The following TSPAN10 variants were observed in gnomAD, a reference collection of about 807,000 sequenced individuals.
TSPAN10 encodes the protein tetraspanin 10.
In TSPAN10, 11 loss-of-function variants were observed where a neutral mutation model predicts 15.0. That is an observed-to-expected ratio of 0.73 (90% confidence interval 0.46 to 1.21). The LOEUF is 1.21. Ranked by LOEUF, TSPAN10 falls within the 50% of genes most tolerant of loss-of-function variation. TSPAN10 has a pLI of 0.00. For missense variants in TSPAN10, 486 were observed against 470.6 expected, an observed-to-expected ratio of 1.03 and a Z score of -0.30; for synonymous variants, 241 against 226.2, an observed-to-expected ratio of 1.07 and a Z score of -0.59.
chr17:81,647,957 G>C (rs1487646353), exon 3 of TSPAN10: 1 of 1,610,364 alleles, frequency 6.2e-7, no homozygotes. Context: ...GCCTCCTGCT[G>C]CATCGACCCC....
rs566995429 is a variant in TSPAN10 at position 81,645,650 on chromosome 17, G to A, written c.674+21G>A. ...AACCTGTGAGTCTTGGAGTGGGCGA[G>A]GGACAGGGCCACCACAGGGTCGCAG... On this transcript the variant is annotated intron_variant, in intron 2 of 2. Transcript: ENST00000611590. 5.6e-6 allele frequency: 9 copies of A among 1,609,868 alleles called. No individual in the cohort carries two copies. The South Asian group carries it at 7.7e-5, about 14-fold the overall frequency.
intron 2 of TSPAN10, among the ~76,000 whole-genome samples, chr17:81,647,146 A>G (rs1432439960): frequency 6.6e-6 from 1 of 151,976 alleles, no homozygotes; most frequent in East Asian, 1.9e-4. Flanking sequence ...GTCCTTCCAG[A>G]CTCTGCAAAG....
exon 3 of TSPAN10, chr17:81,648,081 G>C: frequency 6.3e-7 from 1 of 1,589,974 alleles, no homozygotes; most frequent in East Asian, 2.3e-5. Context: ...CGCTCCGGCG[G>C]TGGCTGCGCG....
downstream of TSPAN10, chr17:81,648,330 G>A (rs1598713389): frequency 8.3e-7 from 1 of 1,200,230 alleles, no homozygotes; most frequent in East Asian, 3.5e-5. Context: ...CCACGCACAG[G>A]GATACAGGGG....
At chr17:81,645,822 C>T in intron 2 of TSPAN10, 193 bp downstream of exon 3, 1 of 698,132 alleles carries the variant, frequency 1.4e-6, no homozygotes, top group Non-Finnish European at 2.5e-6. Flanking sequence ...CGTGTGTGGA[C>T]ACACACCTAC....
upstream of TSPAN10, chr17:81,637,526 C>T (rs188886543): frequency 5.3e-4 from 327 of 619,694 alleles, 1 homozygote; most frequent in African/African-American, 5.7e-3. Flanking sequence ...AGGCCGGGCG[C>T]GGTGGCTCAT....
chr17:81,648,298 C>T (rs2036287935), downstream of TSPAN10: 1 of 1,206,982 alleles, frequency 8.3e-7, no homozygotes, highest in Non-Finnish European at 1.0e-6. Context: ...GGGCTGAGCG[C>T]ACGCCCCGAG....
chr17:81,644,300 G>A (rs62075723), intron 1 of TSPAN10, among the ~76,000 whole-genome samples: 111,808 of 151,546 alleles, frequency 0.74, 42,368 homozygotes, highest in East Asian at 1. Flanking sequence ...CAGCCTCCAG[G>A]CGGTCTTCCT....
chr17:81,648,126 G>A lies in TSPAN10; in HGVS notation c.900G>A (p.Ala300=), dbSNP rs760991082. 11 of 1,549,962 alleles carry A rather than the reference G, an allele frequency of 7.1e-6. No homozygotes were observed. In the African/African-American group the frequency reaches 1.5e-4, roughly 21 times the overall value. The change falls in exon 3 of 3, where the codon GCG becomes GCA. Residue 300 remains alanine, a synonymous_variant. Transcript: ENST00000611590. ...CTGCCTCGGGCGGCTACGCAATCGC[G>A]GTGGTGCTGCTGCAGGGCGCGGAGC...
intron 1 of TSPAN10, 68 bp downstream of exon 2, chr17:81,642,516 T>A: frequency 6.6e-7 from 1 of 1,520,456 alleles, no homozygotes; most frequent in South Asian, 1.3e-5. Context: ...CTAAGGGAAG[T>A]CCCTGGGCTG....
downstream of TSPAN10, chr17:81,648,525 G>A (rs912117039): frequency 1.3e-4 from 46 of 341,752 alleles, no homozygotes; most frequent in East Asian, 1.0e-4. Flanking sequence ...GAGCACGCGG[G>A]GCCGGAGGAA....
At chr17:81,648,407 G>A, downstream of TSPAN10, 2 of 1,041,620 alleles carry the variant, frequency 1.9e-6, no homozygotes, top group Non-Finnish European at 1.2e-6. Context: ...TCGGGCTTCG[G>A]GTGACTTCGC....
At chr17:81,648,070 C>G in exon 3 of TSPAN10, 1 of 1,592,356 alleles carries the variant, frequency 6.3e-7, no homozygotes. Context: ...CTGCGGCCCG[C>G]CGCTCCGGCG....
rs950458616 is a variant in TSPAN10 at position 81,637,262 on chromosome 17, G to A, written c.-137G>A. The A allele has an allele frequency of 1.3e-5, 7 of 528,522 alleles. No individual in the cohort carries two copies. The East Asian group carries it at 2.3e-4, about 17-fold the overall frequency. 32.7% of individuals were successfully genotyped at this position (528,522 alleles called of 1,614,324 possible). ...GTTGCGTCTGAGATTACTTCTGCTC[G>A]TCCTCGGAAACCCAAGCGGCACAGG... On this transcript the variant is annotated 5_prime_UTR_variant, in exon 1 of 4. Coordinates refer to the TSPAN10 transcript ENST00000574882.
upstream of TSPAN10, chr17:81,642,179 T>C (rs2036184211): frequency 7.9e-6 from 4 of 505,894 alleles, no homozygotes; most frequent in Non-Finnish European, 1.4e-5. Context: ...GGGAGAAATA[T>C]ATCTCCACAA....
chr17:81,639,410 G>A (rs1445975182), upstream of TSPAN10, among the ~76,000 whole-genome samples: 1 of 151,482 alleles, frequency 6.6e-6, no homozygotes, highest in Non-Finnish European at 1.5e-5. Flanking sequence ...GTTTCACCAT[G>A]TTGGTAAGGC....
Position 81,645,480 on chromosome 17 carries a change from G to A in TSPAN10, c.525G>A (p.Trp175Ter), listed in dbSNP as rs1190928626. The change falls in exon 2 of 3, where the codon TGG (tryptophan) becomes TGA (stop). Residue 175 changes from tryptophan (W) to a stop codon, truncating the protein, a stop_gained. Coordinates refer to ENST00000611590, the Ensembl canonical transcript of TSPAN10. LOFTEE classifies it high-confidence loss of function. ...CGGGGGCCCTGGTGGTGGCCCTCTG[G>A]GGCCCGCTGCAAGACAGCCTGGAGC... 6.3e-7 allele frequency: 1 copy of A among 1,582,180 alleles called. No homozygotes were observed. Among genetic ancestry groups the A allele is most frequent in the East Asian group, 2.3e-5 (1 of 42,814 alleles).
At chr17:81,639,368 C>T (rs761545042), upstream of TSPAN10, among the ~76,000 whole-genome samples, 4 of 151,768 alleles carry the variant, frequency 2.6e-5, no homozygotes, top group Non-Finnish European at 1.5e-5. Context: ...CTACCACGCC[C>T]GGCTAATTTT....
chr17:81,639,719 C>T (rs1472598906), upstream of TSPAN10, among the ~76,000 whole-genome samples: 1 of 151,562 alleles, frequency 6.6e-6, no homozygotes, highest in East Asian at 2.0e-4. Flanking sequence ...TGGCTCACGC[C>T]TGTCATCCCA....
Sources: gnomAD v4.1 joint callset for allele counts (sites outside exome capture counted in the v4.1 genomes callset) on GRCh38, gnomAD v4.1.1 for gene constraint, MANE v1.5 for transcripts, NCBI Gene and HGNC (gene_info 2026-07-23, HGNC 2026-07-21) for gene names.